SLAMF7: variants seen among roughly 807,000 people sequenced by gnomAD.
The protein encoded by SLAMF7 is SLAM family member 7.
A neutral mutation model predicts 34.1 loss-of-function variants in SLAMF7; 26 were observed. The observed-to-expected ratio is 0.76, with a 90% CI of 0.56 to 1.06. The LOEUF (loss-of-function observed/expected upper bound fraction) is 1.06. SLAMF7 is among the 50% of genes least tolerant of loss of function. SLAMF7 has a pLI of 0.00. For missense variants in SLAMF7, 399 were observed against 402.5 expected, an observed-to-expected ratio of 0.99 and a Z score of 0.07; for synonymous variants, 171 against 156.4, an observed-to-expected ratio of 1.09 and a Z score of -0.70.
intron 1 of SLAMF7, among the ~76,000 whole-genome samples, chr1:160,747,056 A>T (rs1490982742): frequency 6.6e-6 from 1 of 152,218 alleles, no homozygotes; most frequent in Non-Finnish European, 1.5e-5. Context: ...TACAATGTGA[A>T]TGCTGAGGCT....
intron 1 of SLAMF7, among the ~76,000 whole-genome samples, chr1:160,747,253 C>T (rs560678139): frequency 3.1e-4 from 47 of 152,304 alleles, no homozygotes; most frequent in Non-Finnish European, 5.9e-4. Context: ...TTCAAGGTCT[C>T]GACCCTGTGG....
At chr1:160,739,537 GA>G in intron 1 of SLAMF7, 181 bp downstream of exon 1, 28 of 550,934 alleles carry the variant, frequency 5.1e-5, no homozygotes, top group South Asian at 7.4e-5. Context: ...GAGAGAGGGG[GA>G]AAAATGGCTC....
intron 1 of SLAMF7, chr1:160,739,863 C>T (rs1303637366): frequency 1.3e-5 from 2 of 154,816 alleles, no homozygotes; most frequent in Non-Finnish European, 2.9e-5. Flanking sequence ...TGTAATCAGT[C>T]TCTACTTAGA....
Position 160,753,188 on chromosome 1 carries a change from A to G in SLAMF7, c.*11A>G, listed in dbSNP as rs751429621. 43 of 1,605,194 alleles carry G rather than the reference A, an allele frequency of 2.7e-5. No individual in the cohort carries two copies. Among genetic ancestry groups the G allele is most frequent in the Non-Finnish European group, 3.2e-5 (38 of 1,174,894 alleles). ...GAGAATGTTATCTAGACAGCAGTGC[A>G]CTCCCCTAAGTCTCTGCTCAAAAAA... On this transcript the variant is annotated 3_prime_UTR_variant, in exon 7 of 7. Coordinates refer to ENST00000368043, the MANE Select transcript of SLAMF7 (RefSeq NM_021181.5).
In SLAMF7 at chr1:160,750,036, A is replaced by C. The variant is rs773463016; in HGVS notation, c.592A>C (p.Arg198=). The C allele has an allele frequency of 6.2e-7, 1 of 1,614,140 alleles. No homozygotes were observed. Among genetic ancestry groups the C allele is most frequent in the South Asian group, 1.1e-5 (1 of 91,082 alleles). The stretch of plus-strand genomic sequence containing the variant: ...TGATATGACCTTCATCTGCGTTGCC[A>C]GGAACCCTGTCAGCAGAAACTTCTC... ...ESDMTFICVA[R]NPVSRNFSSP... The change falls in exon 3 of 7, where the codon AGG becomes CGG. Residue 198 remains arginine (R), a synonymous_variant. Coordinates refer to ENST00000368043, the MANE Select transcript of SLAMF7 (RefSeq NM_021181.5).
intron 1 of SLAMF7, 57 bp downstream of exon 1, chr1:160,739,413 A>G: frequency 6.6e-7 from 1 of 1,505,390 alleles, no homozygotes; most frequent in Non-Finnish European, 9.1e-7. Context: ...GAATAGTTCC[A>G]GGTTTCTTGT....
chr1:160,750,825 A>T (rs577100792), intron 4 of SLAMF7: 1 of 214,024 alleles, frequency 4.7e-6, no homozygotes, highest in East Asian at 1.2e-4. Flanking sequence ...TATCCCTGTC[A>T]GAGCCCACAA....
chr1:160,751,123 G>A (rs1337905647), intron 4 of SLAMF7: 1 of 519,786 alleles, frequency 1.9e-6, no homozygotes, highest in African/African-American at 1.9e-5. Context: ...CACCTTGATG[G>A]AGAGATCAGG....
Position 160,739,333 on chromosome 1 carries a change from T to A in SLAMF7, c.32T>A (p.Ile11Asn). The change falls in exon 1 of 7, where the codon ATC becomes AAC. Residue 11 changes from isoleucine (I) to asparagine (N), a missense_variant. Coordinates refer to ENST00000368043, the MANE Select transcript of SLAMF7 (RefSeq NM_021181.5). MAGSPTCLTL[I>N]YILWQLTGSA... Reference sequence around the variant, plus strand: ...GGTTCCCCAACATGCCTCACCCTCATCTATATCCTTTGGCAGCTCACAGGT... The same window carrying A: ...GGTTCCCCAACATGCCTCACCCTCAACTATATCCTTTGGCAGCTCACAGGT... 1 of 1,613,862 alleles carries A rather than the reference T, an allele frequency of 6.2e-7. No individual in the cohort carries two copies. Among genetic ancestry groups the A allele is most frequent in the Middle Eastern group, 1.7e-4 (1 of 6,054 alleles).
chr1:160,748,312 C>A lies in SLAMF7; in HGVS notation c.174C>A (p.Thr58=). The A allele has an allele frequency of 6.2e-7, 1 of 1,614,060 alleles. No homozygotes were observed. Among genetic ancestry groups the A allele is most frequent in the South Asian group, 1.1e-5 (1 of 91,078 alleles). ...CTATTGTCTGGACCTTCAACACAAC[C>A]CCTCTTGTCACCATACAGCCAGAAG... ...VDSIVWTFNT[T]PLVTIQPEGG... The change falls in exon 2 of 7, where the codon ACC becomes ACA. Residue 58 remains threonine, a synonymous_variant. Coordinates refer to ENST00000368043, the MANE Select transcript of SLAMF7 (RefSeq NM_021181.5).
rs1558050177 is a variant in SLAMF7, at chr1:160,739,251, T to TAAGAG, written c.-50_-49insAGAGA. 1 of 1,539,874 alleles carries TAAGAG rather than the reference T, an allele frequency of 6.5e-7. No individual in the cohort carries two copies. The highest frequency in any genetic ancestry group is 1.1e-5 in the South Asian group (1 of 89,662). On this transcript the variant is annotated 5_prime_UTR_variant, in exon 1 of 7. Transcript: ENST00000368043. ...TCAGCTGGGGAAGAGGTCTGAGTAA[T>TAAGAG]ACCTAAGAGGGAAGTGGCTTCATTT...
At chr1:160,741,376 A>T (rs1049498399) in intron 1 of SLAMF7, among the ~76,000 whole-genome samples, 2 of 152,158 alleles carry the variant, frequency 1.3e-5, no homozygotes, top group African/African-American at 4.8e-5. Context: ...TGAGCAACCT[A>T]AATGTGAATG....
At chr1:160,747,901 C>A (rs1412593659) in intron 1 of SLAMF7, among the ~76,000 whole-genome samples, 2 of 82,994 alleles carry the variant, frequency 2.4e-5, no homozygotes, top group Non-Finnish European at 5.4e-5. Context: ...ACATTCTTAA[C>A]TGTTTTTCAC....
At chr1:160,739,382 C>T (rs1446120561) in intron 1 of SLAMF7, 26 bp downstream of exon 1, 1 of 1,601,530 alleles carries the variant, frequency 6.2e-7, no homozygotes, top group Non-Finnish European at 8.5e-7. Flanking sequence ...TTCTCTTCCA[C>T]TCTCCTGTCT....
rs748027856 is a variant in SLAMF7, at chr1:160,750,430, C to T, written c.769+7C>T. Reference sequence around the variant, plus strand: ...AAGAGAGAGAGACAAGAAGGTAGAGCGTGTACTATTTTTGTCCTCACCCAC... The same window carrying T: ...AAGAGAGAGAGACAAGAAGGTAGAGTGTGTACTATTTTTGTCCTCACCCAC... On this transcript the variant is annotated splice_region_variant and intron_variant, in intron 4 of 6. Transcript: ENST00000368043. 1.1e-5 allele frequency: 17 copies of T among 1,612,206 alleles called. No individual in the cohort carries two copies. The highest frequency in any genetic ancestry group is 1.6e-4 in the Middle Eastern group (1 of 6,074).
intron 5 of SLAMF7, chr1:160,751,862 C>CTCTCTA (rs1664646652): frequency 1.2e-4 from 5 of 41,928 alleles, no homozygotes; most frequent in Admixed American, 3.1e-4. Flanking sequence ...CTCTCTCTCT[C>CTCTCTA]TATATATATA....
rs1304919292 is a variant in SLAMF7, at chr1:160,753,887, T to TGGCAGATACTATAATGGA, written c.*712_*729dup. The TGGCAGATACTATAATGGA allele has an allele frequency of 3.9e-5, 6 of 152,564 alleles. No homozygotes were observed. The East Asian group carries it at 1.1e-3, about 29-fold the overall frequency. 9.5% of individuals were successfully genotyped at this position (152,564 alleles called of 1,614,324 possible). ...AAGAATCAGGGTAGCTGACCATGTTTGGCAGATACTATAATGGAGACACAG... is the reference window on the plus strand; with the variant it reads ...AAGAATCAGGGTAGCTGACCATGTTTGGCAGATACTATAATGGAGGCAGATACTATAATGGAGACACAG... On this transcript the variant is annotated 3_prime_UTR_variant, in exon 7 of 7. Transcript: ENST00000368043.
intron 2 of SLAMF7, among the ~76,000 whole-genome samples, chr1:160,749,559 A>G (rs1166956500): frequency 1.3e-5 from 2 of 152,258 alleles, no homozygotes; most frequent in Non-Finnish European, 2.9e-5. Context: ...GGCTATGCTT[A>G]GTAAATGACA....
In SLAMF7 at chr1:160,753,321, T is replaced by C. The variant is rs1664787819; in HGVS notation, c.*144T>C. ...ACTTTTTTCCAGGATAAATTATCTC[T>C]GATGCTTCTTTAGATTTAAGAGTTC... On this transcript the variant is annotated 3_prime_UTR_variant, in exon 7 of 7. Coordinates refer to ENST00000368043, the MANE Select transcript of SLAMF7 (RefSeq NM_021181.5). 7.4e-6 allele frequency: 5 copies of C among 677,984 alleles called. No individual in the cohort carries two copies. Among genetic ancestry groups the C allele is most frequent in the Non-Finnish European group, 1.2e-5 (5 of 400,856 alleles). 42.0% of individuals were successfully genotyped at this position (677,984 alleles called of 1,614,324 possible). A position where few individuals can be genotyped will look rare whatever the true frequency, so the allele number is the denominator to read the frequency against.
Sources: allele counts gnomAD v4.1 joint callset (sites outside exome capture counted in the v4.1 genomes callset), GRCh38; gene constraint gnomAD v4.1.1; transcripts MANE v1.5; gene names NCBI Gene and HGNC (gene_info 2026-07-23, HGNC 2026-07-21).